Variants in UGT1A9 observed in about 807,000 individuals in gnomAD.
The protein encoded by UGT1A9 is UDP glucuronosyltransferase family 1 member A9.
Under a neutral mutation model 45.0 loss-of-function variants are expected in UGT1A9, and 35 were observed. The observed-to-expected ratio is 0.78, with a 90% CI of 0.59 to 1.03. The LOEUF is 1.03. Ranked by LOEUF, UGT1A9 falls within the 50% of genes least tolerant of loss-of-function variation. UGT1A9 has a pLI of 0.00. For synonymous variants in UGT1A9, 278 were observed against 250.6 expected (o/e 1.11, Z -1.03); for missense variants, 687 against 666.6 (o/e 1.03, Z -0.34).
chr2:233,734,202 G>T (rs1345683418), intron 1 of UGT1A9, among the ~76,000 whole-genome samples: 1 of 152,060 alleles, frequency 6.6e-6, no homozygotes, highest in Non-Finnish European at 1.5e-5. Context: ...CAATTTCAGA[G>T]CCTGTTGTTG....
intron 1 of UGT1A9, among the ~76,000 whole-genome samples, chr2:233,704,138 G>A (rs778432243): frequency 2.6e-5 from 4 of 151,942 alleles, no homozygotes; most frequent in African/African-American, 4.8e-5. Flanking sequence ...TGATCCACCC[G>A]CCTCAGCCTT....
chr2:233,772,756 T>A lies in UGT1A9; in HGVS notation c.*197T>A. On this transcript the variant is annotated 3_prime_UTR_variant, in exon 5 of 5. Transcript: ENST00000354728. The stretch of plus-strand genomic sequence containing the variant: ...TAGTCAGTAAAGATATTTGAATATG[T>A]ATCGTGCCCCCTCTGGTGTCTTTGA... The A allele has an allele frequency of 1.4e-6, 2 of 1,401,856 alleles. No homozygotes were observed. Among genetic ancestry groups the A allele is most frequent in the Non-Finnish European group, 1.9e-6 (2 of 1,069,170 alleles). 86.8% of individuals were successfully genotyped at this position (1,401,856 alleles called of 1,614,324 possible). A position where few individuals can be genotyped will look rare whatever the true frequency, so the allele number is the denominator to read the frequency against.
intron 1 of UGT1A9, among the ~76,000 whole-genome samples, chr2:233,720,807 G>C (rs879376102): frequency 6.0e-5 from 9 of 150,156 alleles, no homozygotes; most frequent in Non-Finnish European, 5.9e-5. Context: ...CCGGGTTTAA[G>C]AAATTCTCCC....
chr2:233,744,129 A>C (rs1002862654), intron 1 of UGT1A9: 5 of 357,290 alleles, frequency 1.4e-5, no homozygotes, highest in African/African-American at 1.1e-4. Flanking sequence ...AGGCTCTGTG[A>C]GGCCCTGTGA....
intron 1 of UGT1A9, among the ~76,000 whole-genome samples, chr2:233,725,052 C>G (rs575446926): frequency 6.8e-6 from 1 of 147,562 alleles, no homozygotes; most frequent in Non-Finnish European, 1.5e-5. Flanking sequence ...TCAGGCGTGG[C>G]GGCGCGCGCC....
At chr2:233,694,929 A>T (rs1032290740) in intron 1 of UGT1A9, among the ~76,000 whole-genome samples, 2 of 152,240 alleles carry the variant, frequency 1.3e-5, no homozygotes, top group African/African-American at 4.8e-5. Context: ...CGATGATCAA[A>T]TCAGGGTAAT....
In UGT1A9 at chr2:233,769,769, T is replaced by A. The variant is rs979940706; in HGVS notation, c.1295+1330T>A. 1.4e-6 allele frequency: 2 copies of A among 1,395,436 alleles called. No individual in the cohort carries two copies. Among genetic ancestry groups the A allele is most frequent in the Non-Finnish European group, 1.9e-6 (2 of 1,067,626 alleles). The allele number at this position is 1,395,436 out of a possible 1,614,324, so 86.4% of individuals were successfully genotyped here. ...ACTCTGGAGGCTAAGGCGGGAGGAT[T>A]GCTTGAGCCCAGAAGTTGGAGGCTG... is the stretch of plus-strand genomic sequence containing the variant. On this transcript the variant is annotated intron_variant, in intron 4 of 4. Transcript: ENST00000354728. This position sits in a 1 kb window ranked among gnomAD's most constrained non-coding sequence, Gnocchi z 4.4.
Position 233,759,383 on chromosome 2 carries a change from T to C in UGT1A9, c.856-7651T>C, listed in dbSNP as rs370369012. Among the ~76,000 whole-genome samples, 14 of 152,308 alleles carry C rather than the reference T, an allele frequency of 9.2e-5. No homozygotes were observed. The East Asian group carries it at 2.7e-3, about 29-fold the overall frequency. ...TATAAAAAGGTACAGGTTTTCAGGA[T>C]ACTCAGAGTAACCGTGTGACCTGTA... On this transcript the variant is annotated intron_variant, in intron 1 of 4. Coordinates refer to ENST00000354728, the MANE Select transcript of UGT1A9 (RefSeq NM_021027.3).
intron 1 of UGT1A9, among the ~76,000 whole-genome samples, chr2:233,703,168 T>C (rs1403871395): frequency 6.6e-6 from 1 of 152,208 alleles, no homozygotes; most frequent in East Asian, 1.9e-4. Flanking sequence ...CTTGATTCAA[T>C]TTCAGTAGTT....
At position 233,768,623 on chromosome 2, in the gene UGT1A9, G is replaced by A. The variant is rs1319443320; in HGVS notation, c.1295+184G>A. On this transcript the variant is annotated intron_variant, in intron 4 of 4. Coordinates refer to ENST00000354728, the MANE Select transcript of UGT1A9 (RefSeq NM_021027.3). ...TTTTTTTGAGATGGAGTCTTGCTCT[G>A]TCACCTAGGCTGGAGTGCAGTGGTG... Among the ~76,000 whole-genome samples, 3 of 112,724 alleles carry A rather than the reference G, an allele frequency of 2.7e-5. No individual in the cohort carries two copies. The Admixed American group carries it at 3.9e-4, about 15-fold the overall frequency. The allele number at this position is 112,724 out of a possible 152,430, so 74.0% of individuals were successfully genotyped here.
intron 1 of UGT1A9, among the ~76,000 whole-genome samples, chr2:233,757,733 CA>C (rs1183069560): frequency 6.6e-6 from 1 of 151,564 alleles, no homozygotes; most frequent in Non-Finnish European, 1.5e-5. Context: ...AGATGATCTA[CA>C]GGGCACTGGA....
intron 1 of UGT1A9, chr2:233,748,181 C>A: frequency 1.3e-6 from 2 of 1,573,702 alleles, no homozygotes; most frequent in Non-Finnish European, 1.7e-6. Flanking sequence ...CTTTCTGGTG[C>A]TTTTATTTCT....
chr2:233,722,026 G>T, intron 1 of UGT1A9: 1 of 245,738 alleles, frequency 4.1e-6, no homozygotes, highest in Non-Finnish European at 8.2e-6. Context: ...GAAACCTCTT[G>T]AATTGCATGA....
chr2:233,757,240 G>A (rs1051117267), intron 1 of UGT1A9, among the ~76,000 whole-genome samples: 5 of 149,398 alleles, frequency 3.3e-5, no homozygotes, highest in African/African-American at 1.2e-4. Flanking sequence ...AAGTGGTGGT[G>A]AGGTGGGGTT....
chr2:233,722,742 T>C (rs1475183265), intron 1 of UGT1A9, among the ~76,000 whole-genome samples: 1 of 152,178 alleles, frequency 6.6e-6, no homozygotes, highest in African/African-American at 2.4e-5. Flanking sequence ...TTTGATGCAG[T>C]GACTGTCTAT....
intron 1 of UGT1A9, chr2:233,682,630 C>T: frequency 2.5e-6 from 4 of 1,613,892 alleles, no homozygotes; most frequent in Non-Finnish European, 3.4e-6. Context: ...TAGAAATAGC[C>T]TCTGAAATTC....
chr2:233,693,547 A>G (rs765072328), intron 1 of UGT1A9: 1 of 1,614,164 alleles, frequency 6.2e-7, no homozygotes, highest in East Asian at 2.2e-5. Flanking sequence ...TGGAGCATAC[A>G]TTCAGCAGAA....
At chr2:233,760,285 G>C (rs376515645) in intron 1 of UGT1A9, 1 of 1,612,934 alleles carries the variant, frequency 6.2e-7, no homozygotes, top group East Asian at 2.2e-5. Flanking sequence ...GAGCAAAGGC[G>C]CCATGGCTGT....
intron 1 of UGT1A9, among the ~76,000 whole-genome samples, chr2:233,688,392 A>T (rs1319746740): frequency 1.3e-5 from 2 of 152,198 alleles, no homozygotes; most frequent in Admixed American, 6.6e-5. Flanking sequence ...ATAAACCCTG[A>T]TGTTCTAATT....
Sources: gnomAD v4.1 joint callset for allele counts (sites outside exome capture counted in the v4.1 genomes callset) on GRCh38, gnomAD v4.1.1 for gene constraint, Gnocchi (gnomAD v3.1) non-coding constraint, MANE v1.5 for transcripts, NCBI Gene and HGNC (gene_info 2026-07-23, HGNC 2026-07-21) for gene names.